The following TAB3 variants were observed in gnomAD, a reference collection of about 807,000 sequenced individuals.
TAB3 encodes the protein TGF-beta activated kinase 1 (MAP3K7) binding protein 3.
A neutral mutation model predicts 48.1 loss-of-function variants in TAB3; 18 were observed. The observed-to-expected ratio is 0.37, with a 90% CI of 0.26 to 0.55. TAB3 has a LOEUF of 0.55. TAB3 is among the 20% of genes least tolerant of loss of function. The pLI is 0.78. For missense variants in TAB3, 414 were observed against 549.8 expected, an observed-to-expected ratio of 0.75 and a Z score of 2.47; for synonymous variants, 185 against 190.2, an observed-to-expected ratio of 0.97 and a Z score of 0.22.
rs746618313 is a variant in TAB3, at chrX:30,852,904, C to T, written c.1584G>A (p.Arg528=). Residue 528 remains arginine, a synonymous_variant, in exon 7 of 11, where the codon AGG becomes AGA. Transcript: ENST00000288422. ...LLLHQRARME[R]LAKQLKLEKE... is the part of the protein sequence containing the mutation. ...TCTCAAGTTTCAGTTGCTTTGCTAA[C>T]CTCTCCATCCTTGCTCGTTGATGTA... The T allele has an allele frequency of 2.5e-6, 3 of 1,211,455 alleles. No homozygotes were observed. Among genetic ancestry groups the T allele is most frequent in the Middle Eastern group, 2.3e-4 (1 of 4,334 alleles).
intron 9 of TAB3, among the ~76,000 whole-genome samples, chrX:30,841,813 TTATG>T (rs960052784): frequency 8.9e-6 from 1 of 112,405 alleles, no homozygotes; most frequent in African/African-American, 3.2e-5. Flanking sequence ...GACTACTTAT[TTATG>T]AATGAATGAA....
In TAB3 at chrX:30,834,109, A is replaced by C. The variant is rs762097688; in HGVS notation, c.1932T>G (p.Ile644Met). The C allele has an allele frequency of 8.3e-7, 1 of 1,211,427 alleles. No individual in the cohort carries two copies. The change falls in exon 10 of 11, where the codon ATT becomes ATG. Residue 644 changes from isoleucine (I) to methionine (M), a missense_variant. Physicochemically the swap from Ile to Met is conservative, Grantham distance 10. Transcript: ENST00000288422. ...CTGCCTGTACTTTGGAGGTCACGCTAATTCTTCGGGCTTTTCTCTCAATTG... is the reference window on the plus strand; with the variant it reads ...CTGCCTGTACTTTGGAGGTCACGCTCATTCTTCGGGCTTTTCTCTCAATTG... ...PCTIERKARR[I>M]SVTSKVQADI...
At chrX:30,865,439 A>T (rs1201965183) in intron 4 of TAB3, among the ~76,000 whole-genome samples, 1 of 112,401 alleles carries the variant, frequency 8.9e-6, no homozygotes, top group East Asian at 2.8e-4. Context: ...CAGTATGTAT[A>T]TGAGTATAAA....
At position 30,859,493 on chromosome X, in the gene TAB3, C is replaced by T; in HGVS notation, c.96G>A (p.Met32Ile). ...TCACTGGTAGGTAACTTACCTGTAA[C>T]ATGCACTGAGACACCACGCCCTCTG... ...EIPEGVVSQCMLQNNNNLEAC... is the reference protein window; with the variant it reads ...EIPEGVVSQCILQNNNNLEAC... The change falls in exon 5 of 11, where the codon ATG becomes ATA. Residue 32 changes from methionine (M) to isoleucine (I), a missense_variant. Coordinates refer to ENST00000288422, the MANE Select transcript of TAB3 (RefSeq NM_152787.5). 2 of 1,205,017 alleles carry T rather than the reference C, an allele frequency of 1.7e-6. No homozygotes were observed. The highest frequency in any genetic ancestry group is 2.2e-6 in the Non-Finnish European group (2 of 890,477).
In TAB3 at chrX:30,830,532, G is replaced by C. The variant is rs981863946; in HGVS notation, c.*895C>G. Reference sequence around the variant, plus strand: ...AGATTTCCAAATGGATTTTGGAATGGACTTGCATTTGGCATACATTCACTG... The same window carrying C: ...AGATTTCCAAATGGATTTTGGAATGCACTTGCATTTGGCATACATTCACTG... On this transcript the variant is annotated 3_prime_UTR_variant, in exon 11 of 11. Transcript: ENST00000288422. 1 of 112,396 alleles carries C rather than the reference G, an allele frequency of 8.9e-6. No individual in the cohort carries two copies. The highest frequency in any genetic ancestry group is 3.2e-5 in the African/African-American group (1 of 30,886). The allele number at this position is 112,396 out of a possible 1,213,427, so 9.3% of individuals were successfully genotyped here.
At position 30,828,142 on chromosome X, in the gene TAB3, A is replaced by G. The variant is rs1365789738; in HGVS notation, c.*3285T>C. The G allele has an allele frequency of 1.8e-5, 2 of 112,436 alleles. No homozygotes were observed. The highest frequency in any genetic ancestry group is 3.2e-5 in the African/African-American group (1 of 30,829). The allele number at this position is 112,436 out of a possible 1,213,427, so 9.3% of individuals were successfully genotyped here. ...ACATCATTGATATTTTTAGAGGACA[A>G]TTCTTCTATGCCTTATATTCTTTTT... On this transcript the variant is annotated 3_prime_UTR_variant, in exon 11 of 11. Coordinates refer to ENST00000288422, the MANE Select transcript of TAB3 (RefSeq NM_152787.5).
chrX:30,873,493 C>T (rs1939727550), intron 1 of TAB3, among the ~76,000 whole-genome samples: 1 of 104,666 alleles, frequency 9.6e-6, no homozygotes, highest in Non-Finnish European at 2.0e-5. Context: ...CCACAGCACT[C>T]CCGCCTGGGC....
Position 30,854,185 on chromosome X carries a change from C to T in TAB3, c.1480G>A (p.Gly494Arg), listed in dbSNP as rs1401307812. 8.3e-7 allele frequency: 1 copy of T among 1,210,809 alleles called. No homozygotes were observed. Residue 494 changes from glycine to arginine, a missense_variant, in exon 6 of 11, where the codon GGA (glycine) becomes AGA (arginine). Physicochemically the swap from Gly to Arg is moderately radical, Grantham distance 125 (BLOSUM62 -2). Coordinates refer to ENST00000288422, the MANE Select transcript of TAB3 (RefSeq NM_152787.5). ...QPISVIPGSGGEKGSHKYQRS... is the reference protein window; with the variant it reads ...QPISVIPGSGREKGSHKYQRS... ...TGATATTTATGGCTTCCCTTTTCTCCCCCAGAGCCTGGTATCACTGAAATG... is the reference window on the plus strand; with the variant it reads ...TGATATTTATGGCTTCCCTTTTCTCTCCCAGAGCCTGGTATCACTGAAATG...
rs368413168 is a variant in TAB3, at chrX:30,843,437, C to T, written c.1805-388G>A. The T allele has an allele frequency of 3.5e-4, 40 of 113,437 alleles. 1 individual carries two copies. In the South Asian group the frequency reaches 0.014, roughly 39 times the overall value. The allele number at this position is 113,437 out of a possible 1,213,427, so 9.3% of individuals were successfully genotyped here. Reference sequence around the variant, plus strand: ...TTAATGAACAAACTGTGAGAAAGAACACTTAAATAATGAAAGCTTACTTTC... The same window carrying T: ...TTAATGAACAAACTGTGAGAAAGAATACTTAAATAATGAAAGCTTACTTTC... On this transcript the variant is annotated intron_variant, in intron 8 of 10. Coordinates refer to ENST00000288422, the MANE Select transcript of TAB3 (RefSeq NM_152787.5).
At chrX:30,867,065 A>C (rs931410990) in intron 4 of TAB3, 50 bp downstream of exon 4, 1 of 110,281 alleles carries the variant, frequency 9.1e-6, no homozygotes, top group African/African-American at 3.3e-5. Context: ...CATTCTACCC[A>C]TGAGAAAACC....
intron 4 of TAB3, among the ~76,000 whole-genome samples, chrX:30,865,500 G>A (rs1224156448): frequency 8.9e-6 from 1 of 112,032 alleles, no homozygotes; most frequent in Non-Finnish European, 1.9e-5. Flanking sequence ...TTTGATTTTA[G>A]ATCATATTTA....
At position 30,830,547 on chromosome X, in the gene TAB3, T is replaced by C. The variant is rs749533539; in HGVS notation, c.*880A>G. 1 of 112,730 alleles carries C rather than the reference T, an allele frequency of 8.9e-6. No individual in the cohort carries two copies. Among genetic ancestry groups the C allele is most frequent in the South Asian group, 3.7e-4 (1 of 2,706 alleles). 9.3% of individuals were successfully genotyped at this position (112,730 alleles called of 1,213,427 possible). On this transcript the variant is annotated 3_prime_UTR_variant, in exon 11 of 11. Coordinates refer to ENST00000288422, the MANE Select transcript of TAB3 (RefSeq NM_152787.5). ...TTTTGGAATGGACTTGCATTTGGCA[T>C]ACATTCACTGTGCTACTGGCAAAGC...
rs557280228 is a variant in TAB3, at chrX:30,850,166, G to A, written c.1710+2612C>T. On this transcript the variant is annotated intron_variant, in intron 7 of 10. Transcript: ENST00000288422. ...CTCACGGTCTCAACCACCACGTACT[G>A]TCCCTCTGCTGTGTACTACAATTGT... 1.1e-4 allele frequency among the ~76,000 whole-genome samples: 12 copies of A among 111,375 alleles called. No individual in the cohort carries two copies. The South Asian group carries it at 4.2e-3, about 39-fold the overall frequency.
In TAB3 at chrX:30,829,446, A is replaced by G. The variant is rs1055175112; in HGVS notation, c.*1981T>C. 6.2e-5 allele frequency: 7 copies of G among 112,149 alleles called. No individual in the cohort carries two copies. In the Admixed American group the frequency reaches 6.7e-4, roughly 11 times the overall value. 9.2% of individuals were successfully genotyped at this position (112,149 alleles called of 1,213,427 possible). A position where few individuals can be genotyped will look rare whatever the true frequency, so the allele number is the denominator to read the frequency against. On this transcript the variant is annotated 3_prime_UTR_variant, in exon 11 of 11. Transcript: ENST00000288422. The stretch of plus-strand genomic sequence containing the variant: ...GTTGACCATCACTAAAGAGATATGA[A>G]ACCATACAAAGGCAAAGGCATATTA...
rs1350272938 is a variant in TAB3, at chrX:30,830,917, C to CCT, written c.*509_*510insAG. On this transcript the variant is annotated 3_prime_UTR_variant, in exon 11 of 11. Transcript: ENST00000288422. Reference sequence around the variant, plus strand: ...CAAATACCCTTAATTAATTTGCCCCCCCCCCCCAAATATTCTAGGTGCTTT... The same window carrying CCT: ...CAAATACCCTTAATTAATTTGCCCCCCTCCCCCCCAAATATTCTAGGTGCTTT... 1 of 76,549 alleles carries CCT rather than the reference C, an allele frequency of 1.3e-5. No homozygotes were observed. The highest frequency in any genetic ancestry group is 4.4e-5 in the African/African-American group (1 of 22,919). The allele number at this position is 76,549 out of a possible 1,213,427, so 6.3% of individuals were successfully genotyped here. A position where few individuals can be genotyped will look rare whatever the true frequency, so the allele number is the denominator to read the frequency against.
chrX:30,888,102 C>A (rs1216128109), intron 1 of TAB3, among the ~76,000 whole-genome samples: 1 of 112,541 alleles, frequency 8.9e-6, no homozygotes, highest in African/African-American at 3.2e-5. Context: ...TCTTCTTCCA[C>A]GTGTTCTTGT....
intron 10 of TAB3, among the ~76,000 whole-genome samples, chrX:30,833,658 C>T (rs1013475533): frequency 1.0e-4 from 11 of 109,092 alleles, no homozygotes; most frequent in Admixed American, 2.0e-4. Flanking sequence ...AGTGAAACCC[C>T]GTCTCTACTA....
In TAB3 at chrX:30,842,830, AAATAAAAAT is replaced by A. The variant is rs201334462; in HGVS notation, c.1888+127_1888+135del. The A allele has an allele frequency of 5.3e-3, 2,178 of 414,273 alleles. 6 individuals carry two copies. The highest frequency in any genetic ancestry group is 7.0e-3 in the Middle Eastern group (10 of 1,419). The allele number at this position is 414,273 out of a possible 1,213,427, so 34.1% of individuals were successfully genotyped here. ...AGCAGAATGAGACCCTGTCTCAAAA[AAATAAAAAT>A]AATAAAAATATGGTAACTTTATGCT... On this transcript the variant is annotated intron_variant, in intron 9 of 10. Coordinates refer to ENST00000288422, the MANE Select transcript of TAB3 (RefSeq NM_152787.5).
At chrX:30,874,636 C>T (rs912920085) in intron 1 of TAB3, among the ~76,000 whole-genome samples, 4 of 112,105 alleles carry the variant, frequency 3.6e-5, no homozygotes, top group Non-Finnish European at 7.5e-5. Context: ...TTGCTGGATG[C>T]TGAAAACAAT....
Sources: gnomAD v4.1 joint callset for allele counts (sites outside exome capture counted in the v4.1 genomes callset) on GRCh38, gnomAD v4.1.1 for gene constraint, MANE v1.5 for transcripts, NCBI Gene and HGNC (gene_info 2026-07-23, HGNC 2026-07-21) for gene names.